The following FRAS1 variants were observed in gnomAD, a reference collection of about 807,000 sequenced individuals.
FRAS1 encodes Fraser extracellular matrix complex subunit 1, also known as extracellular matrix organizing protein FRAS1.
Under a neutral mutation model 435.2 loss-of-function variants are expected in FRAS1, and 290 were observed. That is an observed-to-expected ratio of 0.67 (90% CI 0.61 to 0.73). FRAS1 has a LOEUF of 0.73. FRAS1 is among the 30% of genes least tolerant of loss of function. The probability of loss-of-function intolerance (pLI) is 0.00; values close to 1 mark genes in which losing one functional copy is unlikely to be tolerated. For synonymous variants in FRAS1, 1,800 were observed against 1,851.0 expected (o/e 0.97, Z 0.71); for missense variants, 4,860 against 5,001.5 (o/e 0.97, Z 0.85).
chr4:78,244,131 T>TG (rs1725131864), intron 3 of FRAS1, among the ~76,000 whole-genome samples: 2 of 152,248 alleles, frequency 1.3e-5, no homozygotes, highest in Admixed American at 1.3e-4. Flanking sequence ...AGTGGGTTAA[T>TG]GGTTGTAAAA....
chr4:78,421,416 G>T (rs1733784659), intron 33 of FRAS1, among the ~76,000 whole-genome samples: 1 of 152,124 alleles, frequency 6.6e-6, no homozygotes, highest in African/African-American at 2.4e-5. Context: ...CCAAAGTGTT[G>T]GGATTATGGG....
chr4:78,535,687 A>G (rs1721860286), intron 71 of FRAS1, among the ~76,000 whole-genome samples: 1 of 152,172 alleles, frequency 6.6e-6, no homozygotes, highest in African/African-American at 2.4e-5. Context: ...CCTATCTCTC[A>G]CTAGAGGATT....
intron 2 of FRAS1, among the ~76,000 whole-genome samples, chr4:78,123,602 T>C (rs1285854156): frequency 6.6e-6 from 1 of 152,218 alleles, no homozygotes; most frequent in Non-Finnish European, 1.5e-5. Context: ...ATTCTTCCTA[T>C]CCATGAGCAT....
At chr4:78,090,226 A>T (rs1406819329) in intron 2 of FRAS1, among the ~76,000 whole-genome samples, 1 of 152,180 alleles carries the variant, frequency 6.6e-6, no homozygotes, top group Non-Finnish European at 1.5e-5. Flanking sequence ...ATTTATGACC[A>T]TGCAAGAGGC....
chr4:78,181,373 C>T (rs1299124398), intron 2 of FRAS1: 4 of 1,611,720 alleles, frequency 2.5e-6, no homozygotes, highest in Admixed American at 1.7e-5. Context: ...TTTGACAGTT[C>T]CCCAGTTGTG....
intron 15 of FRAS1, among the ~76,000 whole-genome samples, chr4:78,314,223 G>C (rs1729146757): frequency 6.6e-6 from 1 of 151,776 alleles, no homozygotes; most frequent in African/African-American, 2.4e-5. Context: ...TGTATATGAT[G>C]ACCCCATACC....
intron 1 of FRAS1, among the ~76,000 whole-genome samples, chr4:78,063,619 G>T (rs1250465125): frequency 1.3e-5 from 2 of 152,250 alleles, no homozygotes; most frequent in East Asian, 3.9e-4. Context: ...TATAGATGTG[G>T]TGCCACACTC....
At chr4:78,487,543 T>A (rs1051944127) in intron 58 of FRAS1, among the ~76,000 whole-genome samples, 12 of 152,176 alleles carry the variant, frequency 7.9e-5, no homozygotes, top group Non-Finnish European at 1.3e-4. Flanking sequence ...TGACATATGA[T>A]TCTTTGCATT....
rs550035106 is a variant in FRAS1, at chr4:78,499,003, A to G, written c.9116-718A>G. On this transcript the variant is annotated intron_variant, in intron 60 of 73. Coordinates refer to ENST00000512123, the MANE Select transcript of FRAS1 (RefSeq NM_025074.7). ...GCTGCGACCACAGGCACGTGCCAGC[A>G]TGCCTGGCTATTTTTTAATTATTTG... is the stretch of plus-strand genomic sequence containing the variant. 1.6e-4 allele frequency among the ~76,000 whole-genome samples: 25 copies of G among 152,246 alleles called. No homozygotes were observed. The East Asian group carries it at 4.6e-3, about 28-fold the overall frequency.
At chr4:78,319,245 C>A in intron 18 of FRAS1, 1 of 528,990 alleles carries the variant, frequency 1.9e-6, no homozygotes. Context: ...GAGTCCCAGA[C>A]AGAAATTCTT....
At chr4:78,267,713 G>T (rs76515550) in intron 9 of FRAS1, among the ~76,000 whole-genome samples, 1 of 152,230 alleles carries the variant, frequency 6.6e-6, no homozygotes, top group Non-Finnish European at 1.5e-5. Flanking sequence ...CATGATATGG[G>T]ACATTAGCCT....
Position 78,407,831 on chromosome 4 carries a change from T to C in FRAS1, c.4298T>C (p.Phe1433Ser), listed in dbSNP as rs947331078. The change falls in exon 31 of 74, where the codon TTC (phenylalanine) becomes TCC (serine). Residue 1433 changes from phenylalanine to serine, a missense_variant. Phe to Ser is a radical substitution (Grantham distance 155). Coordinates refer to ENST00000512123, the MANE Select transcript of FRAS1 (RefSeq NM_025074.7). ...GGAGCCCCAGCCCAGAGCGACTCCTTCCGCTTCGAGGTACCCTCTGCTTCC... is the reference window on the plus strand; with the variant it reads ...GGAGCCCCAGCCCAGAGCGACTCCTCCCGCTTCGAGGTACCCTCTGCTTCC... ...HSGAPAQSDS[F>S]RFEVSSASNA... is the part of the protein sequence containing the mutation. 1.1e-5 allele frequency: 18 copies of C among 1,600,102 alleles called. No individual in the cohort carries two copies. The highest frequency in any genetic ancestry group is 5.1e-5 in the Admixed American group (3 of 58,546).
chr4:78,392,336 C>A (rs1188302786), intron 29 of FRAS1, among the ~76,000 whole-genome samples: 1 of 152,106 alleles, frequency 6.6e-6, no homozygotes, highest in African/African-American at 2.4e-5. Flanking sequence ...CTGTTACATT[C>A]AACATTAGTC....
chr4:78,528,575 T>C (rs1210930653), intron 70 of FRAS1, among the ~76,000 whole-genome samples: 1 of 152,164 alleles, frequency 6.6e-6, no homozygotes, highest in Non-Finnish European at 1.5e-5. Context: ...TTCATCTGTG[T>C]TGGGTGTATC....
intron 20 of FRAS1, among the ~76,000 whole-genome samples, chr4:78,354,587 C>T (rs1229863096): frequency 6.6e-6 from 1 of 152,044 alleles, no homozygotes; most frequent in Non-Finnish European, 1.5e-5. Context: ...AATTCTATGC[C>T]CTTTAAAGGC....
intron 6 of FRAS1, among the ~76,000 whole-genome samples, chr4:78,263,780 C>T (rs1209718418): frequency 6.6e-6 from 1 of 152,138 alleles, no homozygotes; most frequent in Non-Finnish European, 1.5e-5. Flanking sequence ...AATAAAACAA[C>T]CTAAAACAGA....
intron 2 of FRAS1, among the ~76,000 whole-genome samples, chr4:78,168,509 AT>A (rs888205493): frequency 4.0e-5 from 6 of 149,956 alleles, no homozygotes; most frequent in Non-Finnish European, 7.4e-5. Flanking sequence ...AAAACTTCAA[AT>A]TTTTTTTTTC....
At chr4:78,133,942 A>G (rs1719802176) in intron 2 of FRAS1, among the ~76,000 whole-genome samples, 1 of 150,322 alleles carries the variant, frequency 6.7e-6, no homozygotes, top group Non-Finnish European at 1.5e-5. Context: ...GAGGGAGCTG[A>G]GATGGACTAG....
chr4:78,369,330 G>A (rs952126467), intron 22 of FRAS1, among the ~76,000 whole-genome samples: 3 of 152,170 alleles, frequency 2.0e-5, no homozygotes, highest in African/African-American at 7.2e-5. Flanking sequence ...TCAGAGTTAT[G>A]TGGCTGGGTT....
Sources: gnomAD v4.1 joint callset for allele counts (sites outside exome capture counted in the v4.1 genomes callset) on GRCh38, gnomAD v4.1.1 for gene constraint, MANE v1.5 for transcripts, NCBI Gene and HGNC (gene_info 2026-07-23, HGNC 2026-07-21) for gene names.